The following ASH1L variants were observed in gnomAD, a reference collection of about 807,000 sequenced individuals.
The protein encoded by ASH1L is histone-lysine N-methyltransferase ASH1L.
In ASH1L, 23 loss-of-function variants were observed where a neutral mutation model predicts 269.0. That is an observed-to-expected ratio of 0.09 (90% confidence interval 0.06 to 0.12). The LOEUF (loss-of-function observed/expected upper bound fraction) is 0.12, where lower values mean the gene tolerates loss of function less well. Ranked by LOEUF, ASH1L falls within the 10% of genes least tolerant of loss-of-function variation. ASH1L has a pLI of 1.00. For missense variants in ASH1L, 2,912 were observed against 3,567.8 expected, an observed-to-expected ratio of 0.82 and a Z score of 4.68; for synonymous variants, 1,187 against 1,253.5, an observed-to-expected ratio of 0.95 and a Z score of 1.12.
intron 6 of ASH1L, chr1:155,397,100 C>A (rs1441512862): frequency 6.1e-5 from 9 of 146,928 alleles, no homozygotes; most frequent in African/African-American, 2.0e-4. Context: ...GCACTCCAGC[C>A]TGAGTGACAG....
At chr1:155,397,926 T>C (rs1658503083) in intron 6 of ASH1L, among the ~76,000 whole-genome samples, 1 of 152,198 alleles carries the variant, frequency 6.6e-6, no homozygotes, top group African/African-American at 2.4e-5. Flanking sequence ...TATTAAATGA[T>C]TTTTAATTTA....
chr1:155,349,527 C>T lies in ASH1L; in HGVS notation c.7421+15G>A, dbSNP rs780543279. The T allele has an allele frequency of 1.2e-6, 2 of 1,613,984 alleles. No homozygotes were observed. Among genetic ancestry groups the T allele is most frequent in the Non-Finnish European group, 1.7e-6 (2 of 1,179,994 alleles). ...TTTTTAAAAACTCAGATGATTCCCA[C>T]AAATGTGAACCTACTTTTTCTTTGG... On this transcript the variant is annotated intron_variant, in intron 18 of 27. Transcript: ENST00000392403.
At chr1:155,559,805 T>C (rs1424799836) in intron 1 of ASH1L, among the ~76,000 whole-genome samples, 1 of 152,150 alleles carries the variant, frequency 6.6e-6, no homozygotes, top group Non-Finnish European at 1.5e-5. Context: ...GTCTCCTGCA[T>C]AGGATTAACT....
intron 3 of ASH1L, among the ~76,000 whole-genome samples, chr1:155,473,458 G>A (rs1665262893): frequency 6.6e-6 from 1 of 151,628 alleles, no homozygotes; most frequent in African/African-American, 2.4e-5. Context: ...TCTTTTCCTG[G>A]AAGGTTAATG....
intron 1 of ASH1L, among the ~76,000 whole-genome samples, chr1:155,540,744 G>C (rs930920393): frequency 9.9e-5 from 15 of 151,958 alleles, no homozygotes; most frequent in African/African-American, 2.4e-5. Context: ...ACTCCAGCCT[G>C]AGTGACAACA....
Position 155,430,334 on chromosome 1 carries a change from T to C in ASH1L, c.5828+7993A>G, listed in dbSNP as rs566434908. ...TGTTTGCAGCCCATATTCTCTTTAA[T>C]GAGATGGGAATAATATTTTTCTTGA... On this transcript the variant is annotated intron_variant, in intron 5 of 27. Transcript: ENST00000392403. Among the ~76,000 whole-genome samples, 25 of 152,236 alleles carry C rather than the reference T, an allele frequency of 1.6e-4. 1 individual carries two copies. The South Asian group carries it at 4.8e-3, about 29-fold the overall frequency.
At chr1:155,475,198 G>A (rs1298166963) in intron 3 of ASH1L, among the ~76,000 whole-genome samples, 2 of 151,552 alleles carry the variant, frequency 1.3e-5, no homozygotes, top group Admixed American at 6.6e-5. Flanking sequence ...TTGCACTGGC[G>A]TGATCTGGGC....
chr1:155,428,027 T>C (rs1353701546), intron 5 of ASH1L, among the ~76,000 whole-genome samples: 2 of 152,180 alleles, frequency 1.3e-5, no homozygotes, highest in African/African-American at 4.8e-5. Context: ...CCCAGAAGCC[T>C]AGGAGATGCC....
intron 5 of ASH1L, 109 bp from the exon 6 acceptor site, chr1:155,416,032 G>T (rs1660180247): frequency 1.2e-6 from 1 of 859,258 alleles, no homozygotes; most frequent in Non-Finnish European, 1.7e-6. Context: ...GAGATATGGG[G>T]ACTTCCTTAT....
chr1:155,470,511 T>C (rs947981432), intron 3 of ASH1L, among the ~76,000 whole-genome samples: 8 of 150,214 alleles, frequency 5.3e-5, no homozygotes, highest in South Asian at 2.1e-4. Context: ...ACTATTCATA[T>C]ACATGTCTAA....
rs1474681833 is a variant in ASH1L, at chr1:155,510,087, T to C, written c.420+11013A>G. On this transcript the variant is annotated intron_variant, in intron 2 of 27. Transcript: ENST00000392403. ...AATATTTCTGCATGGCAAAATAACATAACCAAAGTCTAAAGACAAATAACA... is the reference window on the plus strand; with the variant it reads ...AATATTTCTGCATGGCAAAATAACACAACCAAAGTCTAAAGACAAATAACA... Among the ~76,000 whole-genome samples, 5 of 152,024 alleles carry C rather than the reference T, an allele frequency of 3.3e-5. No individual in the cohort carries two copies. The South Asian group carries it at 8.3e-4, about 25-fold the overall frequency.
intron 7 of ASH1L, among the ~76,000 whole-genome samples, chr1:155,387,417 A>G (rs983252444): frequency 1.3e-5 from 2 of 152,116 alleles, no homozygotes; most frequent in African/African-American, 4.8e-5. Flanking sequence ...TGTTTTTGTC[A>G]GGTTTGTTAA....
At chr1:155,506,374 C>CACTAT (rs1287393254) in intron 2 of ASH1L, among the ~76,000 whole-genome samples, 18 of 152,136 alleles carry the variant, frequency 1.2e-4, no homozygotes, top group African/African-American at 4.1e-4. Context: ...AGAACTAAGG[C>CACTAT]ACTATTATTA....
intron 24 of ASH1L, among the ~76,000 whole-genome samples, chr1:155,342,756 C>A (rs1271048412): frequency 6.6e-6 from 1 of 151,956 alleles, no homozygotes. Flanking sequence ...AAGTAAATTC[C>A]ACAAAGGAAC....
In ASH1L at chr1:155,478,312, C is replaced by T; in HGVS notation, c.4558G>A (p.Gly1520Arg). ...TATCGCTCTCCAACAGCATCCTTTC[C>T]AAATCTATAGCGCTTCAAAGATTCC... Reference protein sequence around the residue: ...VLESLKRYRFGKDAVGERYKH... With the variant: ...VLESLKRYRFRKDAVGERYKH... The change falls in exon 3 of 28, where the codon GGA (glycine) becomes AGA (arginine). Residue 1520 changes from glycine (G) to arginine (R), a missense_variant. Gly to Arg is a moderately radical substitution (Grantham distance 125). Transcript: ENST00000392403. The surrounding 1 kb of genome is among the most constrained non-coding windows in gnomAD (Gnocchi z 4.6). The T allele has an allele frequency of 6.2e-7, 1 of 1,614,086 alleles. No homozygotes were observed. The highest frequency in any genetic ancestry group is 1.1e-5 in the South Asian group (1 of 91,072).
chr1:155,462,762 T>C (rs766022522), intron 3 of ASH1L, among the ~76,000 whole-genome samples: 16 of 152,188 alleles, frequency 1.1e-4, no homozygotes, highest in Non-Finnish European at 2.1e-4. Flanking sequence ...TTTTAAAAGT[T>C]TGAATTCCCT....
At chr1:155,435,863 C>T (rs1662043175) in intron 5 of ASH1L, among the ~76,000 whole-genome samples, 1 of 152,064 alleles carries the variant, frequency 6.6e-6, no homozygotes, top group Non-Finnish European at 1.5e-5. Context: ...CTAGCATGGC[C>T]AACATGGTGA....
At chr1:155,415,668 T>G in intron 6 of ASH1L, 76 bp downstream of exon 6, 2 of 1,478,092 alleles carry the variant, frequency 1.4e-6, no homozygotes, top group Non-Finnish European at 1.9e-6. Flanking sequence ...AGAATCTATA[T>G]TGTTTTTTGA....
chr1:155,364,738 A>G (rs1269788229), intron 12 of ASH1L, among the ~76,000 whole-genome samples: 1 of 151,816 alleles, frequency 6.6e-6, no homozygotes, highest in Non-Finnish European at 1.5e-5. Flanking sequence ...CCAGGAGTTC[A>G]AGACCAGCCT....
Sources: allele counts gnomAD v4.1 joint callset (sites outside exome capture counted in the v4.1 genomes callset), GRCh38; gene constraint gnomAD v4.1.1; non-coding constraint Gnocchi (gnomAD v3.1); transcripts MANE v1.5; gene names NCBI Gene and HGNC (gene_info 2026-07-23, HGNC 2026-07-21).